The following FBXL17 variants were observed in gnomAD, a reference collection of about 807,000 sequenced individuals.
FBXL17 encodes F-box/LRR-repeat protein 17.
FBXL17 carries 22 observed loss-of-function variants against 66.2 expected under a neutral mutation model. The observed-to-expected ratio is 0.33, with a 90% CI of 0.24 to 0.47. The LOEUF is 0.47. FBXL17 is among the 20% of genes least tolerant of loss of function. The pLI is 1.00. For missense variants in FBXL17, 878 were observed against 948.2 expected, an observed-to-expected ratio of 0.93 and a Z score of 0.97; for synonymous variants, 474 against 400.5, an observed-to-expected ratio of 1.18 and a Z score of -2.19.
In FBXL17 at chr5:108,224,783, T is replaced by C. The variant is rs1234699594; in HGVS notation, c.1507-555A>G. On this transcript the variant is annotated intron_variant, in intron 4 of 8. Transcript: ENST00000542267. ...GTTTTTTTGGTTTTTTTTGTTGTTGTTGTTGTGTTTTGTTTTGTATTTTTA... is the reference window on the plus strand; with the variant it reads ...GTTTTTTTGGTTTTTTTTGTTGTTGCTGTTGTGTTTTGTTTTGTATTTTTA... Among the ~76,000 whole-genome samples the C allele has an allele frequency of 2.3e-4, 35 of 151,878 alleles. 1 individual carries two copies. The highest frequency in any genetic ancestry group is 2.3e-3 in the Admixed American group (35 of 15,230).
intron 6 of FBXL17, among the ~76,000 whole-genome samples, chr5:108,139,010 A>C (rs999864764): frequency 1.3e-5 from 2 of 152,246 alleles, no homozygotes; most frequent in South Asian, 4.1e-4. Flanking sequence ...ATTTATCAGG[A>C]GTAATCTTGT....
intron 1 of FBXL17, among the ~76,000 whole-genome samples, chr5:108,377,256 T>C (rs987288970): frequency 6.6e-6 from 1 of 152,222 alleles, no homozygotes; most frequent in Non-Finnish European, 1.5e-5. Flanking sequence ...TAGTTTCACG[T>C]TATGCCAGGA....
intron 7 of FBXL17, among the ~76,000 whole-genome samples, chr5:107,893,705 A>T (rs1168593696): frequency 6.6e-6 from 1 of 152,176 alleles, no homozygotes. Flanking sequence ...TAGGTTTGGA[A>T]ATCACTGATG....
intron 4 of FBXL17, among the ~76,000 whole-genome samples, chr5:108,300,522 T>C (rs991171791): frequency 6.6e-6 from 1 of 151,848 alleles, no homozygotes; most frequent in African/African-American, 2.4e-5. Context: ...CTAATGACTA[T>C]AAAAGATCTT....
chr5:108,116,693 A>G (rs1287626772), intron 6 of FBXL17, among the ~76,000 whole-genome samples: 3 of 151,748 alleles, frequency 2.0e-5, no homozygotes, highest in Non-Finnish European at 4.4e-5. Context: ...CAAGTTAATA[A>G]GATAAAGAAT....
chr5:108,170,605 A>T (rs1262566665), intron 6 of FBXL17, among the ~76,000 whole-genome samples: 1 of 152,028 alleles, frequency 6.6e-6, no homozygotes, highest in Non-Finnish European at 1.5e-5. Flanking sequence ...GCCATCTCAG[A>T]TCACTGCAAC....
intron 6 of FBXL17, among the ~76,000 whole-genome samples, chr5:108,173,533 A>G (rs1752684179): frequency 6.6e-6 from 1 of 152,238 alleles, no homozygotes; most frequent in Non-Finnish European, 1.5e-5. Flanking sequence ...AGAAATGATA[A>G]TTGCTACCAG....
At chr5:108,294,135 T>C (rs947142842) in intron 4 of FBXL17, among the ~76,000 whole-genome samples, 13 of 148,416 alleles carry the variant, frequency 8.8e-5, no homozygotes, top group Non-Finnish European at 1.8e-4. Flanking sequence ...AAAAAACTGA[T>C]TGTCAAATCT....
intron 5 of FBXL17, among the ~76,000 whole-genome samples, chr5:108,200,779 C>G (rs549542936): frequency 8.0e-4 from 121 of 151,988 alleles, no homozygotes; most frequent in African/African-American, 2.8e-3. Flanking sequence ...CAGCTATGCT[C>G]CTGAAGGTTT....
intron 6 of FBXL17, among the ~76,000 whole-genome samples, chr5:108,130,173 G>C (rs1257645295): frequency 3.3e-5 from 5 of 151,560 alleles, no homozygotes; most frequent in South Asian, 2.1e-4. Flanking sequence ...TATCGTGGGA[G>C]AGAAAGAAAA....
chr5:108,191,201 C>A (rs964286157), intron 5 of FBXL17, among the ~76,000 whole-genome samples: 14 of 152,100 alleles, frequency 9.2e-5, no homozygotes, highest in African/African-American at 2.9e-4. Context: ...TAGGAAGATT[C>A]GAAGTCACAA....
Position 108,381,083 on chromosome 5 carries a change from C to G in FBXL17, c.609G>C (p.Gly203=). 7.9e-7 allele frequency: 1 copy of G among 1,264,326 alleles called. No individual in the cohort carries two copies. The highest frequency in any genetic ancestry group is 9.9e-7 in the Non-Finnish European group (1 of 1,005,728). The allele number at this position is 1,264,326 out of a possible 1,614,324, so 78.3% of individuals were successfully genotyped here. The change falls in exon 1 of 9, where the codon GGG becomes GGC. Residue 203 remains glycine (G), a synonymous_variant. Coordinates refer to ENST00000542267, the MANE Select transcript of FBXL17 (RefSeq NM_001163315.3). The stretch of plus-strand genomic sequence containing the variant: ...GCTTGCAGGGGGTGCAGGCGGGGAC[C>G]CCGGCCCCCTTCCGCTTGCACACCA... The part of the protein sequence containing the change: ...PEMVCKRKGA[G]VPACTPCKQP...
At position 107,860,458 on chromosome 5, in the gene FBXL17, TAAATC is replaced by T. The variant is rs1748090991; in HGVS notation, c.*1257_*1261del. The T allele has an allele frequency of 6.6e-6, 1 of 152,664 alleles. No individual in the cohort carries two copies. Among genetic ancestry groups the T allele is most frequent in the East Asian group, 1.9e-4 (1 of 5,204 alleles). 9.5% of individuals were successfully genotyped at this position (152,664 alleles called of 1,614,324 possible). On this transcript the variant is annotated 3_prime_UTR_variant, in exon 9 of 9. Coordinates refer to ENST00000542267, the MANE Select transcript of FBXL17 (RefSeq NM_001163315.3). ...TTATGAATTAATTGTAAAGATGTGT[TAAATC>T]AAAACATATATTCATTTACTGATAG...
chr5:108,010,716 G>T (rs780130976), intron 7 of FBXL17, among the ~76,000 whole-genome samples: 1 of 151,930 alleles, frequency 6.6e-6, no homozygotes, highest in African/African-American at 2.4e-5. Context: ...AAGAAAACAG[G>T]AATCAAATGA....
At chr5:107,899,042 C>T (rs771126042) in intron 7 of FBXL17, among the ~76,000 whole-genome samples, 25 of 152,206 alleles carry the variant, frequency 1.6e-4, no homozygotes, top group Non-Finnish European at 2.8e-4. Context: ...AATTGCCATA[C>T]TGACTTCCAC....
chr5:107,880,266 A>T, intron 8 of FBXL17: 1 of 621,948 alleles, frequency 1.6e-6, no homozygotes, highest in Non-Finnish European at 2.0e-6. Context: ...GGGGATAGAG[A>T]CAGGGTTTTC....
chr5:108,314,765 A>T (rs1371197475), intron 4 of FBXL17, among the ~76,000 whole-genome samples: 2 of 151,514 alleles, frequency 1.3e-5, no homozygotes, highest in African/African-American at 4.8e-5. Flanking sequence ...TAAGATTTAT[A>T]CTACTACTAT....
chr5:108,154,039 A>C (rs893742993), intron 6 of FBXL17, among the ~76,000 whole-genome samples: 2 of 152,054 alleles, frequency 1.3e-5, no homozygotes, highest in Non-Finnish European at 2.9e-5. Flanking sequence ...CTGCCAACAA[A>C]TAGCCCAAAT....
intron 5 of FBXL17, among the ~76,000 whole-genome samples, chr5:108,209,715 T>C (rs906375311): frequency 6.6e-6 from 1 of 152,214 alleles, no homozygotes; most frequent in African/African-American, 2.4e-5. Context: ...GGTTTGCCAG[T>C]ATTTTATTGA....
Sources: allele counts gnomAD v4.1 joint callset (sites outside exome capture counted in the v4.1 genomes callset), GRCh38; gene constraint gnomAD v4.1.1; transcripts MANE v1.5; gene names NCBI Gene and HGNC (gene_info 2026-07-23, HGNC 2026-07-21).